Variants in DOP1A observed in about 807,000 individuals in gnomAD.
The protein encoded by DOP1A is DOP1 leucine zipper like protein A.
DOP1A carries 90 observed loss-of-function variants against 267.6 expected under a neutral mutation model. The observed-to-expected ratio is 0.34, with a 90% CI of 0.28 to 0.40. DOP1A has a LOEUF of 0.40. Ranked by LOEUF, DOP1A falls within the 10% of genes least tolerant of loss-of-function variation. The pLI, the probability that DOP1A is intolerant of heterozygous loss-of-function variation, is 1.00. For missense variants in DOP1A, 2,437 were observed against 2,900.4 expected (o/e 0.84, Z 3.67); for synonymous variants, 932 against 999.1 (o/e 0.93, Z 1.27).
intron 1 of DOP1A, 52 bp from the exon 2 acceptor site, chr6:83,096,679 T>G: frequency 2.4e-6 from 1 of 411,256 alleles, no homozygotes; most frequent in Non-Finnish European, 4.3e-6. Context: ...TATAAGAAAA[T>G]TTTCTATGCT....
At chr6:83,086,382 CATT>C (rs1769244108) in intron 1 of DOP1A, among the ~76,000 whole-genome samples, 1 of 152,062 alleles carries the variant, frequency 6.6e-6, no homozygotes, top group East Asian at 1.9e-4. Flanking sequence ...TCATGAACCT[CATT>C]GTCTTCACTG....
At position 83,151,779 on chromosome 6, in the gene DOP1A, C is replaced by G. The variant is rs1781731927; in HGVS notation, c.5905-104C>G. On this transcript the variant is annotated intron_variant, in intron 28 of 38. Transcript: ENST00000349129. ...ACTCTGAACATTCTATGGGAATCAA[C>G]AAGTCTATTGTAAAATATCTATTAT... The G allele has an allele frequency of 4.9e-6, 7 of 1,433,174 alleles. No individual in the cohort carries two copies. In the South Asian group the frequency reaches 9.0e-5, roughly 19 times the overall value. 88.8% of individuals were successfully genotyped at this position (1,433,174 alleles called of 1,614,324 possible). A position where few individuals can be genotyped will look rare whatever the true frequency, so the allele number is the denominator to read the frequency against.
Position 83,119,811 on chromosome 6 carries a change from A to C in DOP1A, c.944A>C (p.His315Pro), listed in dbSNP as rs1455197873. Residue 315 changes from histidine to proline, a missense_variant, in exon 9 of 39, where the codon CAT becomes CCT. Physicochemically the swap from His to Pro is moderately conservative, Grantham distance 77. Coordinates refer to ENST00000349129, the MANE Select transcript of DOP1A (RefSeq NM_015018.4). ...ACAAGACACAGTAATCCTGAAGAAC[A>C]TGCCACTTACTATTTCACTACCTTT... ...RSTRHSNPEE[H>P]ATYYFTTFSK... 3 of 1,613,098 alleles carry C rather than the reference A, an allele frequency of 1.9e-6. No individual in the cohort carries two copies. Among genetic ancestry groups the C allele is most frequent in the Admixed American group, 1.7e-5 (1 of 59,984 alleles).
At chr6:83,162,153 A>G (rs537569514) in intron 37 of DOP1A, among the ~76,000 whole-genome samples, 1 of 152,280 alleles carries the variant, frequency 6.6e-6, no homozygotes, top group Non-Finnish European at 1.5e-5. Flanking sequence ...GGACTTACGA[A>G]GCTGACAACA....
At chr6:83,142,447 GT>G (rs1779811087) in intron 24 of DOP1A, among the ~76,000 whole-genome samples, 1 of 152,088 alleles carries the variant, frequency 6.6e-6, no homozygotes, top group South Asian at 2.1e-4. Context: ...GGCGGAGGTT[GT>G]GGTGAGCCAA....
At chr6:83,083,417 G>GT (rs1768498862) in intron 1 of DOP1A, among the ~76,000 whole-genome samples, 1 of 146,998 alleles carries the variant, frequency 6.8e-6, no homozygotes, top group Non-Finnish European at 1.5e-5. Context: ...AAGACTTGTG[G>GT]TTTAAAAAAA....
At chr6:83,102,908 A>G (rs1582942543) in intron 4 of DOP1A, among the ~76,000 whole-genome samples, 2 of 152,300 alleles carry the variant, frequency 1.3e-5, no homozygotes, top group South Asian at 4.1e-4. Flanking sequence ...ACTCAGGTCC[A>G]CAGGTCTCTT....
At chr6:83,139,253 T>C in intron 21 of DOP1A, 91 bp downstream of exon 21, 1 of 1,002,024 alleles carries the variant, frequency 1.0e-6, no homozygotes, top group Non-Finnish European at 1.5e-6. Context: ...CTTGAGTAAA[T>C]AAAGTAATGG....
At chr6:83,141,823 G>C in intron 23 of DOP1A, 98 bp from the exon 24 acceptor site, 1 of 1,229,226 alleles carries the variant, frequency 8.1e-7, no homozygotes, top group Non-Finnish European at 1.1e-6. Flanking sequence ...AAACCTATAA[G>C]TACTATATTA....
chr6:83,097,809 A>T (rs939387807), intron 3 of DOP1A, among the ~76,000 whole-genome samples: 1 of 151,778 alleles, frequency 6.6e-6, no homozygotes. Context: ...TAAAGAGGTT[A>T]CATAGGAAAG....
intron 36 of DOP1A, 42 bp from the exon 37 acceptor site, chr6:83,159,754 T>TAA: frequency 6.2e-7 from 1 of 1,610,974 alleles, no homozygotes; most frequent in Non-Finnish European, 8.5e-7. Context: ...TTCCTGTGAG[T>TAA]AAATGGGTCC....
chr6:83,135,585 G>A, intron 19 of DOP1A, 34 bp from the exon 20 acceptor site: 5 of 1,583,894 alleles, frequency 3.2e-6, no homozygotes, highest in Non-Finnish European at 3.4e-6. Context: ...GTAGATGTTT[G>A]GTTCTTTATT....
intron 13 of DOP1A, 81 bp downstream of exon 13, chr6:83,124,900 A>G (rs1220683485): frequency 9.0e-7 from 1 of 1,112,632 alleles, no homozygotes; most frequent in East Asian, 2.4e-5. Context: ...AAGCCTTCAG[A>G]TACATTTCAT....
downstream of DOP1A, chr6:83,170,780 G>C (rs1206084880): frequency 4.4e-6 from 1 of 226,960 alleles, no homozygotes; most frequent in Non-Finnish European, 8.6e-6. Flanking sequence ...ATAAGTGGTA[G>C]CCCATTATAT....
intron 4 of DOP1A, among the ~76,000 whole-genome samples, chr6:83,105,533 T>C (rs1001305688): frequency 6.6e-6 from 1 of 151,828 alleles, no homozygotes; most frequent in South Asian, 2.1e-4. Context: ...CCCAGCTAAT[T>C]TTTGTATTTT....
intron 38 of DOP1A, chr6:83,166,664 A>G: frequency 7.9e-7 from 1 of 1,262,092 alleles, no homozygotes; most frequent in Non-Finnish European, 1.0e-6. Flanking sequence ...CAAAAACCGC[A>G]ATTACGTTTG....
intron 1 of DOP1A, 127 bp from the exon 2 acceptor site, chr6:83,096,604 A>G: frequency 2.5e-6 from 1 of 400,490 alleles, no homozygotes. Context: ...AGGAGCATAT[A>G]TATATCAGAA....
chr6:83,129,195 C>T lies in DOP1A; in HGVS notation c.2028C>T (p.Cys676=), dbSNP rs769395620. 2 of 1,613,040 alleles carry T rather than the reference C, an allele frequency of 1.2e-6. No individual in the cohort carries two copies. Among genetic ancestry groups the T allele is most frequent in the East Asian group, 4.5e-5 (2 of 44,874 alleles). ...RKTAQKTAMQ[C]CLEYVQQFLT... is the part of the protein sequence containing the mutation. ...CAGCCCAAAAGACTGCAATGCAGTG[C>T]TGCTTGGAGTATGTCCAACAGTTTC... The change falls in exon 16 of 39, where the codon TGC becomes TGT. Residue 676 remains cysteine, a synonymous_variant. Transcript: ENST00000349129.
At position 83,119,692 on chromosome 6, in the gene DOP1A, GAAC is replaced by G. The variant is rs1776047186; in HGVS notation, c.881-51_881-49del. 4 of 1,489,234 alleles carry G rather than the reference GAAC, an allele frequency of 2.7e-6. No individual in the cohort carries two copies. In the African/African-American group the frequency reaches 5.5e-5, roughly 21 times the overall value. 92.3% of individuals were successfully genotyped at this position (1,489,234 alleles called of 1,614,324 possible). A position where few individuals can be genotyped will look rare whatever the true frequency, so the allele number is the denominator to read the frequency against. On this transcript the variant is annotated intron_variant, in intron 8 of 38. Transcript: ENST00000349129. ...AGATTTTGCTGTTTTGGTATTTAGT[GAAC>G]AACAGTTTTGAGAATTCCATTTTAA...
Sources: gnomAD v4.1 joint callset for allele counts (sites outside exome capture counted in the v4.1 genomes callset) on GRCh38, gnomAD v4.1.1 for gene constraint, MANE v1.5 for transcripts, NCBI Gene and HGNC (gene_info 2026-07-23, HGNC 2026-07-21) for gene names.